Variants in TECRL observed in about 807,000 individuals in gnomAD.
The protein encoded by TECRL is trans-2,3-enoyl-CoA reductase like, also known as trans-2,3-enoyl-CoA reductase-like.
In TECRL, 63 loss-of-function variants were observed where a neutral mutation model predicts 52.8. The ratio of observed to expected loss-of-function variants is 1.19; its 90% CI spans 0.97 to 1.47. TECRL has a LOEUF of 1.47. TECRL is among the 40% of genes most tolerant of loss of function. The pLI, the probability that TECRL is intolerant of heterozygous loss-of-function variation, is 0.00. For missense variants in TECRL, 482 were observed against 429.6 expected (o/e 1.12, Z -1.08); for synonymous variants, 164 against 141.9 (o/e 1.16, Z -1.10).
At chr4:64,320,867 T>C (rs1202630293) in intron 4 of TECRL, among the ~76,000 whole-genome samples, 1 of 152,096 alleles carries the variant, frequency 6.6e-6, no homozygotes, top group African/African-American at 2.4e-5. Context: ...TAGGTTGTTT[T>C]CTAAACATTA....
chr4:64,392,323 A>G (rs1041486843), intron 1 of TECRL, among the ~76,000 whole-genome samples: 6 of 151,866 alleles, frequency 4.0e-5, no homozygotes, highest in Admixed American at 3.3e-4. Flanking sequence ...TAATAAAAAT[A>G]GTAATATTTA....
intron 8 of TECRL, among the ~76,000 whole-genome samples, chr4:64,295,846 G>T (rs1723650340): frequency 1.3e-5 from 2 of 151,782 alleles, no homozygotes; most frequent in Admixed American, 6.6e-5. Flanking sequence ...GCACAATATT[G>T]CCATTAATTT....
At chr4:64,366,921 G>C (rs1420171168) in intron 2 of TECRL, among the ~76,000 whole-genome samples, 3 of 151,944 alleles carry the variant, frequency 2.0e-5, no homozygotes, top group Non-Finnish European at 4.4e-5. Flanking sequence ...TTCTACCAAA[G>C]AGACACATGT....
chr4:64,276,980 C>A, downstream of TECRL: 1 of 1,323,752 alleles, frequency 7.6e-7, no homozygotes. Context: ...ATACCTGTAG[C>A]ATTAATATTG....
In TECRL at chr4:64,293,942, C is replaced by A. The variant is rs1220241642; in HGVS notation, c.775-4175G>T. Among the ~76,000 whole-genome samples the A allele has an allele frequency of 2.0e-5, 3 of 149,778 alleles. No individual in the cohort carries two copies. In the East Asian group the frequency reaches 5.8e-4, roughly 29 times the overall value. On this transcript the variant is annotated intron_variant, in intron 8 of 11. Coordinates refer to ENST00000381210, the MANE Select transcript of TECRL (RefSeq NM_001010874.5). Reference sequence around the variant, plus strand: ...TTATATGCATTGATATTGTTAATATCATTATTAATTTTTGGCAGGTGCTAC... The same window carrying A: ...TTATATGCATTGATATTGTTAATATAATTATTAATTTTTGGCAGGTGCTAC...
At chr4:64,325,444 A>G (rs1577874913) in intron 3 of TECRL, among the ~76,000 whole-genome samples, 1 of 152,172 alleles carries the variant, frequency 6.6e-6, no homozygotes, top group East Asian at 1.9e-4. Context: ...TCACATGAGA[A>G]TTCAGTTCAG....
chr4:64,377,414 T>C (rs1253317701), intron 1 of TECRL, among the ~76,000 whole-genome samples: 1 of 152,032 alleles, frequency 6.6e-6, no homozygotes, highest in African/African-American at 2.4e-5. Flanking sequence ...CTCAGTGGCT[T>C]CATCAGGGAG....
In TECRL at chr4:64,296,681, A is replaced by T. The variant is rs561574377; in HGVS notation, c.774+3293T>A. Among the ~76,000 whole-genome samples the T allele has an allele frequency of 5.9e-5, 9 of 151,892 alleles. No individual in the cohort carries two copies. In the South Asian group the frequency reaches 1.4e-3, roughly 24 times the overall value. The stretch of plus-strand genomic sequence containing the variant: ...GTTAAGGGTACAAAAAGATAAAGAA[A>T]ATAGGAAGGTTCTTTAGGTAAAGTA... On this transcript the variant is annotated intron_variant, in intron 8 of 11. Coordinates refer to ENST00000381210, the MANE Select transcript of TECRL (RefSeq NM_001010874.5).
intron 8 of TECRL, among the ~76,000 whole-genome samples, chr4:64,294,692 T>A (rs998432813): frequency 6.6e-6 from 1 of 152,128 alleles, no homozygotes; most frequent in Non-Finnish European, 1.5e-5. Context: ...TGAACCAATG[T>A]ACAAAGAACC....
chr4:64,294,870 T>C (rs1723591721), intron 8 of TECRL, among the ~76,000 whole-genome samples: 1 of 152,060 alleles, frequency 6.6e-6, no homozygotes, highest in Admixed American at 6.6e-5. Flanking sequence ...AAGTTTCACT[T>C]AGGAAATTTA....
intron 6 of TECRL, among the ~76,000 whole-genome samples, chr4:64,306,087 G>T (rs1577839288): frequency 6.6e-6 from 1 of 152,270 alleles, no homozygotes; most frequent in East Asian, 1.9e-4. Flanking sequence ...GGGTGAGTAA[G>T]GGCAGACTTC....
At position 64,287,184 on chromosome 4, in the gene TECRL, T is replaced by C. The variant is rs371815425; in HGVS notation, c.832+2526A>G. 2.6e-5 allele frequency among the ~76,000 whole-genome samples: 4 copies of C among 152,274 alleles called. No individual in the cohort carries two copies. The East Asian group carries it at 5.8e-4, about 22-fold the overall frequency. On this transcript the variant is annotated intron_variant, in intron 9 of 11. Transcript: ENST00000381210. ...TCACCAAGATAAAGCACAGATATTT[T>C]TAACTCACAGTACACTTCTTTTTAA...
At chr4:64,361,076 TTG>T (rs1721156981) in intron 2 of TECRL, among the ~76,000 whole-genome samples, 1 of 151,660 alleles carries the variant, frequency 6.6e-6, no homozygotes, top group Admixed American at 6.6e-5. Context: ...AAGCAGCCCT[TTG>T]TCTGTCAGCC....
intron 2 of TECRL, among the ~76,000 whole-genome samples, chr4:64,373,787 G>C (rs1034828395): frequency 6.6e-6 from 1 of 151,068 alleles, no homozygotes; most frequent in East Asian, 1.9e-4. Context: ...AGATAGAATT[G>C]GTCTAAGTCA....
intron 1 of TECRL, among the ~76,000 whole-genome samples, chr4:64,389,291 C>T (rs1244663825): frequency 6.6e-6 from 1 of 151,834 alleles, no homozygotes; most frequent in Non-Finnish European, 1.5e-5. Context: ...GAAGTTCCCC[C>T]TCTATTCCTA....
intron 1 of TECRL, among the ~76,000 whole-genome samples, chr4:64,378,101 G>A (rs756223872): frequency 4.6e-5 from 7 of 152,022 alleles, no homozygotes; most frequent in Non-Finnish European, 7.4e-5. Flanking sequence ...TAGATATAGT[G>A]GTGTGAAAAT....
chr4:64,333,885 G>A lies in TECRL; in HGVS notation c.287-5329C>T, dbSNP rs1016191947. On this transcript the variant is annotated intron_variant, in intron 2 of 11. Transcript: ENST00000381210. ...AATACAAAAAAAAAATTAGCCGGGC[G>A]CGGTGGCGGGCGCCTGTAGTCCCAG... Among the ~76,000 whole-genome samples, 24 of 139,898 alleles carry A rather than the reference G, an allele frequency of 1.7e-4. 1 individual carries two copies. Among genetic ancestry groups the A allele is most frequent in the South Asian group, 4.4e-4 (2 of 4,556 alleles). 91.8% of individuals were successfully genotyped at this position (139,898 alleles called of 152,430 possible).
At chr4:64,380,750 G>T (rs1722733198) in intron 1 of TECRL, among the ~76,000 whole-genome samples, 1 of 151,900 alleles carries the variant, frequency 6.6e-6, no homozygotes, top group African/African-American at 2.4e-5. Context: ...TGTTCCATAG[G>T]TCTATTTCTA....
intron 2 of TECRL, among the ~76,000 whole-genome samples, chr4:64,334,147 AC>A (rs1718875848): frequency 6.6e-6 from 1 of 152,008 alleles, no homozygotes; most frequent in Non-Finnish European, 1.5e-5. Flanking sequence ...AAGCCTACAG[AC>A]CTAAGAAAAG....
Sources: allele counts gnomAD v4.1 joint callset (sites outside exome capture counted in the v4.1 genomes callset), GRCh38; gene constraint gnomAD v4.1.1; transcripts MANE v1.5; gene names NCBI Gene and HGNC (gene_info 2026-07-23, HGNC 2026-07-21).